Variants in ARID5A observed in about 807,000 individuals in gnomAD.
ARID5A encodes AT-rich interaction domain 5A, also known as AT-rich interactive domain-containing protein 5A.
ARID5A carries 14 observed loss-of-function variants against 30.5 expected under a neutral mutation model. The ratio of observed to expected loss-of-function variants is 0.46; its 90% CI spans 0.30 to 0.72. The LOEUF (loss-of-function observed/expected upper bound fraction) is 0.72, where lower values mean the gene tolerates loss of function less well. Among genes scored for constraint, ARID5A ranks in the 30% least tolerant of loss-of-function variants. The pLI, the probability that ARID5A is intolerant of heterozygous loss-of-function variation, is 0.07. For missense variants in ARID5A, 669 were observed against 786.2 expected (o/e 0.85, Z 1.78); for synonymous variants, 338 against 340.4 (o/e 0.99, Z 0.08).
intron 1 of ARID5A, among the ~76,000 whole-genome samples, chr2:96,546,160 CT>C (rs1285439031): frequency 6.6e-6 from 1 of 152,178 alleles, no homozygotes; most frequent in Non-Finnish European, 1.5e-5. Flanking sequence ...CCACTGGCCC[CT>C]GGCTTACGCT....
At chr2:96,545,886 G>A (rs1463514855) in intron 1 of ARID5A, among the ~76,000 whole-genome samples, 5 of 151,530 alleles carry the variant, frequency 3.3e-5, no homozygotes, top group South Asian at 2.1e-4. Flanking sequence ...CCTGGGAGGC[G>A]AAGATTGCAG....
chr2:96,550,420 C>G lies in ARID5A; in HGVS notation c.410+135C>G. On this transcript the variant is annotated intron_variant, in intron 5 of 6. Transcript: ENST00000357485. This position sits in a 1 kb window ranked among gnomAD's most constrained non-coding sequence, Gnocchi z 6.6. ...GTCCTCAGAGCTGCGGGAGCCCAGG[C>G]TGGCTGGGCGCACTCACTGAGGGAG... is the stretch of plus-strand genomic sequence containing the variant. 2 of 1,431,582 alleles carry G rather than the reference C, an allele frequency of 1.4e-6. No individual in the cohort carries two copies. Among genetic ancestry groups the G allele is most frequent in the Middle Eastern group, 2.6e-4 (1 of 3,874 alleles). 88.7% of individuals were successfully genotyped at this position (1,431,582 alleles called of 1,614,324 possible).
chr2:96,547,496 C>T lies in ARID5A; in HGVS notation c.99C>T (p.Ile33=), dbSNP rs1454432588. 1 of 1,613,894 alleles carries T rather than the reference C, an allele frequency of 6.2e-7. No homozygotes were observed. Among genetic ancestry groups the T allele is most frequent in the Non-Finnish European group, 8.5e-7 (1 of 1,179,966 alleles). ...AACCTGCTGGCAAGCAGAACGGAAT[C>T]CAGAACCCCATCTCGCTGGAGGTGA... ...SPKPAGKQNG[I]QNPISLEDSP... is the part of the protein sequence containing the mutation. Residue 33 remains isoleucine (I), a synonymous_variant, in exon 2 of 7, where the codon ATC becomes ATT. Transcript: ENST00000357485.
chr2:96,540,740 T>G (rs2065830529), intron 1 of ARID5A, among the ~76,000 whole-genome samples: 1 of 151,892 alleles, frequency 6.6e-6, no homozygotes, highest in African/African-American at 2.4e-5. Context: ...GTAGTGGGGG[T>G]TTTTTGTTTG....
At chr2:96,543,804 A>T (rs556741004) in intron 1 of ARID5A, among the ~76,000 whole-genome samples, 2 of 152,300 alleles carry the variant, frequency 1.3e-5, no homozygotes, top group African/African-American at 4.8e-5. Flanking sequence ...ACTTTTAAAT[A>T]AAAAAACTAG....
chr2:96,549,074 G>T lies in ARID5A; in HGVS notation c.121-247G>T, dbSNP rs1453803612. On this transcript the variant is annotated intron_variant, in intron 2 of 6. Coordinates refer to ENST00000357485, the MANE Select transcript of ARID5A (RefSeq NM_212481.3). This position sits in a 1 kb window ranked among gnomAD's most constrained non-coding sequence, Gnocchi z 6.1. ...CTCGTGGCAGCCTCTGGAGCCAGCT[G>T]CTCTGGGGTACCCAGCCTCCGGGGA... Among the ~76,000 whole-genome samples, 1 of 152,192 alleles carries T rather than the reference G, an allele frequency of 6.6e-6. No homozygotes were observed. Among genetic ancestry groups the T allele is most frequent in the Non-Finnish European group, 1.5e-5 (1 of 68,030 alleles).
chr2:96,548,479 T>C lies in ARID5A; in HGVS notation c.121-842T>C, dbSNP rs187635297. On this transcript the variant is annotated intron_variant, in intron 2 of 6. Coordinates refer to ENST00000357485, the MANE Select transcript of ARID5A (RefSeq NM_212481.3). Reference sequence around the variant, plus strand: ...TGGGATTTCCCCATGTTGGCCAGGCTGGTCTCAAACTCCTGACCTCAAGTG... The same window carrying C: ...TGGGATTTCCCCATGTTGGCCAGGCCGGTCTCAAACTCCTGACCTCAAGTG... Among the ~76,000 whole-genome samples the C allele has an allele frequency of 8.5e-5, 13 of 152,304 alleles. No individual in the cohort carries two copies. In the East Asian group the frequency reaches 2.5e-3, roughly 29 times the overall value.
rs748245667 is a variant in ARID5A, at chr2:96,551,157, A to G, written c.629A>G (p.Glu210Gly). The stretch of plus-strand genomic sequence containing the variant: ...GACCCAGCACCACTTCCCAGCCAGG[A>G]GCCCCCCAGGAACAGCACAGAACAG... Reference protein sequence around the residue: ...AADPAPLPSQEPPRNSTEQQG... With the variant: ...AADPAPLPSQGPPRNSTEQQG... Residue 210 changes from glutamate (E) to glycine (G), a missense_variant, in exon 7 of 7, where the codon GAG (glutamate) becomes GGG (glycine). Physicochemically the swap from Glu to Gly is moderately conservative, Grantham distance 98 (BLOSUM62 -2). This residue lies in a region of ARID5A where 548 missense variants were observed against 577.4 expected (regional missense o/e 0.95). Coordinates refer to ENST00000357485, the MANE Select transcript of ARID5A (RefSeq NM_212481.3). 37 of 1,613,654 alleles carry G rather than the reference A, an allele frequency of 2.3e-5. No homozygotes were observed.
At chr2:96,541,305 T>C (rs1342286913) in intron 1 of ARID5A, among the ~76,000 whole-genome samples, 3 of 151,950 alleles carry the variant, frequency 2.0e-5, no homozygotes, top group Non-Finnish European at 4.4e-5. Context: ...CAAAGTGTTT[T>C]TGTTTTTGTT....
At chr2:96,547,972 T>C (rs1397804391) in intron 2 of ARID5A, among the ~76,000 whole-genome samples, 1 of 152,146 alleles carries the variant, frequency 6.6e-6, no homozygotes. Flanking sequence ...TCTGGAAAAA[T>C]ATCCTGATTC....
chr2:96,551,273 A>C lies in ARID5A; in HGVS notation c.745A>C (p.Lys249Gln). The C allele has an allele frequency of 1.2e-6, 2 of 1,613,916 alleles. No homozygotes were observed. Among genetic ancestry groups the C allele is most frequent in the Non-Finnish European group, 1.7e-6 (2 of 1,180,006 alleles). Residue 249 changes from lysine (K) to glutamine (Q), a missense_variant, in exon 7 of 7, where the codon AAG becomes CAG. Lys to Gln is a moderately conservative substitution (Grantham distance 53, BLOSUM62 1). Around this residue, in one of 4 missense-constraint regions of ARID5A, gnomAD observed 548 missense variants for 577.4 expected, o/e 0.95. Transcript: ENST00000357485. ...YKRLLSSFYC[K>Q]GTHGIMSPLA... is the part of the protein sequence containing the mutation. ...GCGGCTCCTATCCAGCTTCTACTGCAAGGGGACACACGGCATCATGTCACC... is the reference window on the plus strand; with the variant it reads ...GCGGCTCCTATCCAGCTTCTACTGCCAGGGGACACACGGCATCATGTCACC...
chr2:96,548,604 G>A (rs112352951), intron 2 of ARID5A, among the ~76,000 whole-genome samples: 260 of 152,274 alleles, frequency 1.7e-3, no homozygotes, highest in Middle Eastern at 0.01. Flanking sequence ...GGCTGTCTGC[G>A]CTGTCCTAGT....
intron 1 of ARID5A, among the ~76,000 whole-genome samples, chr2:96,538,898 G>C (rs928410825): frequency 7.2e-5 from 11 of 152,184 alleles, no homozygotes; most frequent in African/African-American, 2.4e-4. Flanking sequence ...GATGGGGAGG[G>C]AGAGAAGGAA....
At chr2:96,541,296 A>T (rs2065842024) in intron 1 of ARID5A, among the ~76,000 whole-genome samples, 1 of 152,202 alleles carries the variant, frequency 6.6e-6, no homozygotes, top group Admixed American at 6.5e-5. Context: ...TCGGCCTCCC[A>T]AAGTGTTTTT....
intron 1 of ARID5A, among the ~76,000 whole-genome samples, chr2:96,545,123 TTTTTTCTTTCCTTTTC>T (rs969969514): frequency 6.6e-6 from 1 of 151,852 alleles, no homozygotes; most frequent in Non-Finnish European, 1.5e-5. Context: ...TTTCTTCTTT[TTTTTTCTTTCCTTTTC>T]TTTTCTTTTT....
At position 96,547,503 on chromosome 2, in the gene ARID5A, C is replaced by T. The variant is rs768396249; in HGVS notation, c.106C>T (p.Pro36Ser). The T allele has an allele frequency of 6.2e-7, 1 of 1,613,986 alleles. No individual in the cohort carries two copies. The highest frequency in any genetic ancestry group is 1.3e-5 in the African/African-American group (1 of 75,026). Residue 36 changes from proline to serine, a missense_variant, in exon 2 of 7, where the codon CCC (proline) becomes TCC (serine). Transcript: ENST00000357485. ...TGGCAAGCAGAACGGAATCCAGAAC[C>T]CCATCTCGCTGGAGGTGAGTTGACT... ...PAGKQNGIQN[P>S]ISLEDSPEAG...
chr2:96,551,307 A>G lies in ARID5A; in HGVS notation c.779A>G (p.Lys260Arg), dbSNP rs2066037325. 6 of 1,613,680 alleles carry G rather than the reference A, an allele frequency of 3.7e-6. No homozygotes were observed. In the Admixed American group the frequency reaches 1.0e-4, roughly 27 times the overall value. Residue 260 changes from lysine (K) to arginine (R), a missense_variant, in exon 7 of 7, where the codon AAA becomes AGA. Physicochemically the swap from Lys to Arg is conservative, Grantham distance 26. This residue lies in a region of ARID5A where 548 missense variants were observed against 577.4 expected (regional missense o/e 0.95). Coordinates refer to ENST00000357485, the MANE Select transcript of ARID5A (RefSeq NM_212481.3). ...CACGGCATCATGTCACCACTGGCCAAAAAGAAGCTCCTGGCCCAGGTGAGC... is the reference window on the plus strand; with the variant it reads ...CACGGCATCATGTCACCACTGGCCAGAAAGAAGCTCCTGGCCCAGGTGAGC... ...GTHGIMSPLA[K>R]KKLLAQVSKV...
Position 96,552,052 on chromosome 2 carries a change from G to T in ARID5A, c.1524G>T (p.Pro508=). Residue 508 remains proline (P), a synonymous_variant, in exon 7 of 7, where the codon CCG becomes CCT. Transcript: ENST00000357485. ...EAYRGTMLHC[P]LNFTGTPGPL... ...ACAGGGGCACCATGCTGCACTGCCC[G>T]CTGAACTTCACTGGCACCCCGGGCC... is the stretch of plus-strand genomic sequence containing the variant. The T allele has an allele frequency of 6.4e-7, 1 of 1,570,938 alleles. No individual in the cohort carries two copies. Among genetic ancestry groups the T allele is most frequent in the Non-Finnish European group, 8.6e-7 (1 of 1,158,070 alleles).
chr2:96,547,616 G>A (rs2065952111), intron 2 of ARID5A, 99 bp downstream of exon 2: 1 of 1,129,738 alleles, frequency 8.9e-7, no homozygotes, highest in South Asian at 1.4e-5. Context: ...CAAGCTCTCA[G>A]GAGGGAGATA....
Sources: allele counts gnomAD v4.1 joint callset (sites outside exome capture counted in the v4.1 genomes callset), GRCh38; gene constraint gnomAD v4.1.1; regional missense constraint gnomAD v4.1.1; non-coding constraint Gnocchi (gnomAD v3.1); transcripts MANE v1.5; gene names NCBI Gene and HGNC (gene_info 2026-07-23, HGNC 2026-07-21).